Variants in JPT1 observed in about 807,000 individuals in gnomAD.
The protein encoded by JPT1 is androgen-regulated protein 2.
A neutral mutation model predicts 17.0 loss-of-function variants in JPT1; 5 were observed. The ratio of observed to expected loss-of-function variants is 0.29; its 90% confidence interval spans 0.15 to 0.62. JPT1 has a LOEUF of 0.62. JPT1 is among the 20% of genes least tolerant of loss of function. JPT1 has a pLI of 0.85. For missense variants in JPT1, 158 were observed against 188.1 expected, an observed-to-expected ratio of 0.84 and a Z score of 0.94; for synonymous variants, 71 against 73.6, an observed-to-expected ratio of 0.96 and a Z score of 0.18.
chr17:75,135,791 TAAAA>T lies in JPT1; in HGVS notation c.*307_*310del. The T allele has an allele frequency of 1.9e-6, 1 of 529,162 alleles. No individual in the cohort carries two copies. Among genetic ancestry groups the T allele is most frequent in the Non-Finnish European group, 3.3e-6 (1 of 300,522 alleles). The allele number at this position is 529,162 out of a possible 1,614,324, so 32.8% of individuals were successfully genotyped here. ...GGCTTGGTAAACCCAAGTAAAGTGT[TAAAA>T]ACCTCAGTACAAAAGATCCTCTAAC... is the stretch of plus-strand genomic sequence containing the variant. On this transcript the variant is annotated 3_prime_UTR_variant, in exon 5 of 5. Coordinates refer to ENST00000409753, the MANE Select transcript of JPT1 (RefSeq NM_016185.4).
intron 4 of JPT1, chr17:75,142,650 A>ATGGAGGGGAGGGGGGGG: frequency 4.7e-6 from 1 of 210,662 alleles, no homozygotes; most frequent in Admixed American, 5.1e-5. Context: ...GGAGGGGGGG[A>ATGGAGGGGAGGGGGGGG]TGGAGGGAAG....
chr17:75,147,697 A>C (rs752980774), intron 2 of JPT1, 44 bp from the exon 3 acceptor site: 38 of 1,522,702 alleles, frequency 2.5e-5, no homozygotes, highest in Non-Finnish European at 3.5e-5. Context: ...AATAGAAAAA[A>C]CCTAAAGCAA....
At chr17:75,149,862 T>TACACACACACACACACACACACAC (rs58993126) in intron 1 of JPT1, among the ~76,000 whole-genome samples, 11 of 147,492 alleles carry the variant, frequency 7.5e-5, no homozygotes, top group African/African-American at 2.8e-4. Flanking sequence ...CTTACACACT[T>TACACACACACACACACACACACAC]ACACACACAC....
intron 4 of JPT1, among the ~76,000 whole-genome samples, chr17:75,136,769 C>T (rs760971304): frequency 2.0e-5 from 3 of 152,140 alleles, no homozygotes; most frequent in East Asian, 1.9e-4. Flanking sequence ...GGATTACAGG[C>T]GTGAGCCACC....
chr17:75,138,527 G>C (rs1227045190), intron 4 of JPT1: 3 of 151,194 alleles, frequency 2.0e-5, no homozygotes, highest in African/African-American at 7.3e-5. Context: ...TCCTGCCTCA[G>C]CCTCCCAATA....
At chr17:75,149,190 A>T (rs1333223663) in intron 1 of JPT1, 2 of 404,782 alleles carry the variant, frequency 4.9e-6, no homozygotes, top group East Asian at 8.4e-5. Flanking sequence ...GTGTCTCTAT[A>T]AAAAAAAAAT....
At position 75,149,066 on chromosome 17, in the gene JPT1, C is replaced by A. The variant is rs148462457; in HGVS notation, c.57-395G>T. ...TTCTTGTTATTATTCATTTAAAAATCATTTCCAGGCACAGTGGCACACACC... is the reference window on the plus strand; with the variant it reads ...TTCTTGTTATTATTCATTTAAAAATAATTTCCAGGCACAGTGGCACACACC... On this transcript the variant is annotated intron_variant, in intron 1 of 4. Transcript: ENST00000409753. 8.2e-5 allele frequency: 105 copies of A among 1,275,302 alleles called. 1 individual carries two copies. In the East Asian group the frequency reaches 5.7e-3, roughly 69 times the overall value. The allele number at this position is 1,275,302 out of a possible 1,614,324, so 79.0% of individuals were successfully genotyped here. A position where few individuals can be genotyped will look rare whatever the true frequency, so the allele number is the denominator to read the frequency against.
At chr17:75,138,816 CATTT>C (rs1367645362) in intron 4 of JPT1, among the ~76,000 whole-genome samples, 1 of 152,174 alleles carries the variant, frequency 6.6e-6, no homozygotes, top group Admixed American at 6.6e-5. Flanking sequence ...ATTGGACAGA[CATTT>C]ATTTTATTTA....
chr17:75,150,424 TG>T (rs1419603509), intron 1 of JPT1, among the ~76,000 whole-genome samples: 4 of 152,206 alleles, frequency 2.6e-5, no homozygotes, highest in Admixed American at 2.6e-4. Context: ...AGCTAATTTT[TG>T]TATTTTCAGT....
intron 4 of JPT1, among the ~76,000 whole-genome samples, chr17:75,137,435 TAGCC>T (rs201367493): frequency 0.025 from 3,754 of 152,026 alleles, 64 homozygotes; most frequent in Non-Finnish European, 0.039. Flanking sequence ...CAGCCCACTG[TAGCC>T]TCAAACTCCT....
At chr17:75,138,977 C>G (rs1455528309) in intron 4 of JPT1, among the ~76,000 whole-genome samples, 1 of 152,104 alleles carries the variant, frequency 6.6e-6, no homozygotes, top group Non-Finnish European at 1.5e-5. Context: ...TTCAGAATGA[C>G]AACTGTCACA....
At chr17:75,136,817 A>G (rs916691209) in intron 4 of JPT1, among the ~76,000 whole-genome samples, 1 of 152,096 alleles carries the variant, frequency 6.6e-6, no homozygotes. Context: ...TTAAATAAGA[A>G]CAGGGAACTC....
intron 4 of JPT1, 166 bp from the exon 5 acceptor site, chr17:75,136,416 C>A: frequency 1.7e-6 from 1 of 583,624 alleles, no homozygotes. Flanking sequence ...CAGAATTAAC[C>A]ATTGTTCATC....
chr17:75,149,303 T>C, intron 1 of JPT1: 1 of 316,338 alleles, frequency 3.2e-6, no homozygotes, highest in Non-Finnish European at 6.3e-6. Context: ...TGCAGTGAGC[T>C]GTGTTCACAC....
At chr17:75,143,474 G>A (rs1373137880) in intron 4 of JPT1, among the ~76,000 whole-genome samples, 1 of 152,082 alleles carries the variant, frequency 6.6e-6, no homozygotes, top group Non-Finnish European at 1.5e-5. Flanking sequence ...CAGGAGAATT[G>A]CTTGAACCCA....
intron 4 of JPT1, among the ~76,000 whole-genome samples, chr17:75,139,899 A>G (rs1009928018): frequency 1.3e-5 from 2 of 152,126 alleles, no homozygotes; most frequent in Non-Finnish European, 2.9e-5. Context: ...CCATAATGAG[A>G]TAAGTACAGG....
intron 1 of JPT1, among the ~76,000 whole-genome samples, chr17:75,151,947 C>G (rs1289138454): frequency 8.1e-6 from 1 of 123,702 alleles, no homozygotes; most frequent in African/African-American, 3.1e-5. Flanking sequence ...CCAGCTCGGG[C>G]AAAAAGAGCA....
In JPT1 at chr17:75,154,450, G is replaced by C; in HGVS notation, c.-53C>G. On this transcript the variant is annotated 5_prime_UTR_variant, in exon 1 of 5. Transcript: ENST00000409753. ...CCGGAGCAGAACGCTCAAAGGGTCG[G>C]ACCCGAGGGGCGCTGGGAAACTCCA... 2 of 1,502,596 alleles carry C rather than the reference G, an allele frequency of 1.3e-6. No homozygotes were observed. The highest frequency in any genetic ancestry group is 2.0e-5 in the Admixed American group (1 of 49,652). 93.1% of individuals were successfully genotyped at this position (1,502,596 alleles called of 1,614,324 possible).
chr17:75,146,574 G>T (rs2074439781), intron 4 of JPT1, 92 bp downstream of exon 4: 1 of 997,740 alleles, frequency 1.0e-6, no homozygotes, highest in South Asian at 1.5e-5. Flanking sequence ...TCACTCCCCA[G>T]TCTCTTTCCC....
Sources: allele counts gnomAD v4.1 joint callset (sites outside exome capture counted in the v4.1 genomes callset), GRCh38; gene constraint gnomAD v4.1.1; transcripts MANE v1.5; gene names NCBI Gene and HGNC (gene_info 2026-07-23, HGNC 2026-07-21).